Variants in ANKS6 observed in about 807,000 individuals in gnomAD.
The protein encoded by ANKS6 is ankyrin repeat and SAM domain-containing protein 6.
ANKS6 carries 47 observed loss-of-function variants against 77.9 expected under a neutral mutation model. That is an observed-to-expected ratio of 0.60 (90% CI 0.48 to 0.77). The LOEUF is 0.77. ANKS6 is among the 30% of genes least tolerant of loss of function. The pLI is 0.00. For synonymous variants in ANKS6, 488 were observed against 501.7 expected (o/e 0.97, Z 0.37); for missense variants, 1,150 against 1,159.1 (o/e 0.99, Z 0.11).
intron 14 of ANKS6, 92 bp from the exon 15 acceptor site, chr9:98,736,715 T>C: frequency 1.1e-5 from 16 of 1,463,510 alleles, no homozygotes; most frequent in Non-Finnish European, 1.5e-5. Flanking sequence ...GTTCAACTCA[T>C]ACTTCAAAAA....
chr9:98,753,768 G>A (rs1415628564), intron 12 of ANKS6, among the ~76,000 whole-genome samples: 1 of 151,860 alleles, frequency 6.6e-6, no homozygotes, highest in East Asian at 1.9e-4. Context: ...ATCATTACGG[G>A]GTATTCACAC....
At chr9:98,784,778 G>A in intron 3 of ANKS6, 54 bp downstream of exon 3, 4 of 1,484,812 alleles carry the variant, frequency 2.7e-6, no homozygotes. Flanking sequence ...ATTAGGTTGG[G>A]AGAATGTAGC....
rs1831357145 is a variant in ANKS6 at position 98,734,090 on chromosome 9, G to A, written c.*2429C>T. ...TGCTGCCTCCACACATGCCCCCGCTGGGGTGCCCTTTCTCTTCCCTGCCTA... is the reference window on the plus strand; with the variant it reads ...TGCTGCCTCCACACATGCCCCCGCTAGGGTGCCCTTTCTCTTCCCTGCCTA... On this transcript the variant is annotated 3_prime_UTR_variant, in exon 15 of 15. Coordinates refer to ENST00000353234, the MANE Select transcript of ANKS6 (RefSeq NM_173551.5). 2.0e-6 allele frequency: 2 copies of A among 985,338 alleles called. No individual in the cohort carries two copies. Among genetic ancestry groups the A allele is most frequent in the South Asian group, 4.7e-5 (1 of 21,282 alleles). The allele number at this position is 985,338 out of a possible 1,614,324, so 61.0% of individuals were successfully genotyped here. A position where few individuals can be genotyped will look rare whatever the true frequency, so the allele number is the denominator to read the frequency against.
At chr9:98,766,787 T>G (rs994574582) in intron 11 of ANKS6, among the ~76,000 whole-genome samples, 1 of 152,188 alleles carries the variant, frequency 6.6e-6, no homozygotes, top group East Asian at 1.9e-4. Context: ...ATACAGTACA[T>G]GTACATCCTG....
At chr9:98,765,003 CCTA>C (rs1833194064) in intron 11 of ANKS6, among the ~76,000 whole-genome samples, 2 of 152,100 alleles carry the variant, frequency 1.3e-5, no homozygotes, top group African/African-American at 4.8e-5. Context: ...TATCTTTCTT[CCTA>C]CTAAGCCTTT....
chr9:98,750,878 C>T, intron 13 of ANKS6, 151 bp downstream of exon 13: 2 of 643,384 alleles, frequency 3.1e-6, no homozygotes, highest in South Asian at 4.0e-5. Context: ...CAATAACAAA[C>T]TGAACTAATC....
chr9:98,752,153 G>GCAGCATCAAGGTAAATGA (rs2117894986), intron 12 of ANKS6, among the ~76,000 whole-genome samples: 1 of 152,294 alleles, frequency 6.6e-6, no homozygotes, highest in African/African-American at 2.4e-5. Flanking sequence ...GAAGAAGAGA[G>GCAGCATCAAGGTAAATGA]CAGCATCAAG....
chr9:98,732,200 C>T lies in ANKS6; in HGVS notation c.*4319G>A, dbSNP rs2131907952. Reference sequence around the variant, plus strand: ...CTGCAGAATTCTCCCAGGAAGGGTCCCGGGCTCTTCAGGAGGCATTTACTT... The same window carrying T: ...CTGCAGAATTCTCCCAGGAAGGGTCTCGGGCTCTTCAGGAGGCATTTACTT... On this transcript the variant is annotated 3_prime_UTR_variant, in exon 15 of 15. Coordinates refer to ENST00000353234, the MANE Select transcript of ANKS6 (RefSeq NM_173551.5). The T allele has an allele frequency of 7.1e-6, 3 of 421,882 alleles. No homozygotes were observed. In the South Asian group the frequency reaches 9.1e-5, roughly 13 times the overall value. 26.1% of individuals were successfully genotyped at this position (421,882 alleles called of 1,614,324 possible). A position where few individuals can be genotyped will look rare whatever the true frequency, so the allele number is the denominator to read the frequency against.
chr9:98,741,238 T>C (rs1831810821), intron 14 of ANKS6, among the ~76,000 whole-genome samples: 1 of 152,258 alleles, frequency 6.6e-6, no homozygotes, highest in Non-Finnish European at 1.5e-5. Context: ...TAGCTGCATA[T>C]ATTGCATATT....
chr9:98,767,518 C>T (rs528695137), intron 11 of ANKS6, among the ~76,000 whole-genome samples: 6 of 152,294 alleles, frequency 3.9e-5, no homozygotes, highest in East Asian at 3.9e-4. Context: ...GTCCTTAGAG[C>T]GGTTGCCAAA....
rs888157446 is a variant in ANKS6, at chr9:98,755,520, T to C, written c.2326+900A>G. ...TCCATCTTCCCTCATCATTCCCGCA[T>C]GGGGGCTGCAGAGGCTGTAATTCAC... On this transcript the variant is annotated intron_variant, in intron 12 of 14. Transcript: ENST00000353234. Among the ~76,000 whole-genome samples, 5 of 152,224 alleles carry C rather than the reference T, an allele frequency of 3.3e-5. No individual in the cohort carries two copies. The East Asian group carries it at 5.8e-4, about 18-fold the overall frequency.
intron 6 of ANKS6, among the ~76,000 whole-genome samples, chr9:98,779,824 C>T (rs923504143): frequency 9.9e-5 from 15 of 152,048 alleles, no homozygotes; most frequent in Admixed American, 9.2e-4. Flanking sequence ...CCACCATGCC[C>T]GGCTAATTTT....
At chr9:98,751,144 TA>T in intron 12 of ANKS6, 48 bp from the exon 13 acceptor site, 3 of 1,463,000 alleles carry the variant, frequency 2.1e-6, no homozygotes, top group Non-Finnish European at 2.8e-6. Context: ...TAGAATTTGG[TA>T]AAGTGGTCTT....
At chr9:98,737,942 C>G (rs1831591437) in intron 14 of ANKS6, among the ~76,000 whole-genome samples, 1 of 152,242 alleles carries the variant, frequency 6.6e-6, no homozygotes, top group Non-Finnish European at 1.5e-5. Context: ...ATACTTACAG[C>G]CAACTGACCT....
chr9:98,780,215 G>A lies in ANKS6; in HGVS notation c.1342C>T (p.Leu448=). The A allele has an allele frequency of 6.2e-7, 1 of 1,614,100 alleles. No individual in the cohort carries two copies. The highest frequency in any genetic ancestry group is 1.1e-5 in the South Asian group (1 of 91,052). ...KVRQPWSIPV[L]PDDKGGLKSW... Reference sequence around the variant, plus strand: ...TTCAGTCCACCCTTGTCATCGGGCAGCACTGGGATGCTCCAGGGCTGTCGG... The same window carrying A: ...TTCAGTCCACCCTTGTCATCGGGCAACACTGGGATGCTCCAGGGCTGTCGG... Residue 448 remains leucine (L), a synonymous_variant, in exon 6 of 15, where the codon CTG becomes TTG. Transcript: ENST00000353234.
At chr9:98,761,796 G>C (rs1833024890) in intron 11 of ANKS6, among the ~76,000 whole-genome samples, 1 of 152,118 alleles carries the variant, frequency 6.6e-6, no homozygotes, top group South Asian at 2.1e-4. Context: ...CTGCCCTTTT[G>C]CTAATACCAC....
chr9:98,748,170 C>T (rs967519413), intron 13 of ANKS6, among the ~76,000 whole-genome samples: 14 of 152,198 alleles, frequency 9.2e-5, no homozygotes, highest in Admixed American at 5.2e-4. Context: ...ACTTAGTATG[C>T]GTTTGCTGAA....
intron 12 of ANKS6, among the ~76,000 whole-genome samples, chr9:98,753,516 A>T (rs1166902909): frequency 6.6e-6 from 1 of 152,114 alleles, no homozygotes; most frequent in Non-Finnish European, 1.5e-5. Context: ...CTATAAGACA[A>T]CAAATCAAGC....
chr9:98,732,226 G>C lies in ANKS6; in HGVS notation c.*4293C>G, dbSNP rs1831240312. 3 of 492,082 alleles carry C rather than the reference G, an allele frequency of 6.1e-6. No homozygotes were observed. In the Admixed American group the frequency reaches 1.1e-4, roughly 18 times the overall value. 30.5% of individuals were successfully genotyped at this position (492,082 alleles called of 1,614,324 possible). On this transcript the variant is annotated 3_prime_UTR_variant, in exon 15 of 15. Transcript: ENST00000353234. The stretch of plus-strand genomic sequence containing the variant: ...CGGGCTCTTCAGGAGGCATTTACTT[G>C]GAAGTACAGGTCAGCGTTATCCAAA...
Sources: allele counts gnomAD v4.1 joint callset (sites outside exome capture counted in the v4.1 genomes callset), GRCh38; gene constraint gnomAD v4.1.1; transcripts MANE v1.5; gene names NCBI Gene and HGNC (gene_info 2026-07-23, HGNC 2026-07-21).